KLHL20: variants seen among roughly 807,000 people sequenced by gnomAD.
KLHL20 encodes kelch like family member 20.
Under a neutral mutation model 69.5 loss-of-function variants are expected in KLHL20, and 29 were observed. The ratio of observed to expected loss-of-function variants is 0.42; its 90% confidence interval spans 0.31 to 0.57. The LOEUF is 0.57. Ranked by LOEUF, KLHL20 falls within the 20% of genes least tolerant of loss-of-function variation. The pLI, the probability that KLHL20 is intolerant of heterozygous loss-of-function variation, is 0.18. For synonymous variants in KLHL20, 253 were observed against 265.2 expected (o/e 0.95, Z 0.45); for missense variants, 419 against 776.0 (o/e 0.54, Z 5.47).
intron 2 of KLHL20, among the ~76,000 whole-genome samples, chr1:173,727,955 C>T (rs1160017338): frequency 7.0e-6 from 1 of 142,510 alleles, no homozygotes; most frequent in African/African-American, 2.5e-5. Context: ...CACAGACTGG[C>T]AAATTGGATA....
intron 2 of KLHL20, among the ~76,000 whole-genome samples, chr1:173,718,675 C>T (rs1431351589): frequency 6.6e-6 from 1 of 152,064 alleles, no homozygotes; most frequent in Non-Finnish European, 1.5e-5. Flanking sequence ...CTGTGGTGAT[C>T]ATGCCACTGC....
intron 10 of KLHL20, among the ~76,000 whole-genome samples, chr1:173,780,564 G>C (rs1050926627): frequency 6.6e-6 from 1 of 152,066 alleles, no homozygotes; most frequent in African/African-American, 2.4e-5. Flanking sequence ...GATTACTTGA[G>C]CCCAGGAATT....
chr1:173,758,889 T>C (rs554299369), intron 7 of KLHL20, among the ~76,000 whole-genome samples: 1 of 152,274 alleles, frequency 6.6e-6, no homozygotes, highest in Non-Finnish European at 1.5e-5. Context: ...GAACTCAAGG[T>C]AGGGTGCAAA....
Position 173,742,906 on chromosome 1 carries a change from A to C in KLHL20, c.597+8620A>C, listed in dbSNP as rs1171273271. The stretch of plus-strand genomic sequence containing the variant: ...AGGATGCAATCCAGACACCATAAAA[A>C]GATTGGTTTGATTGCATAAAAGTTA... On this transcript the variant is annotated intron_variant, in intron 3 of 11. Coordinates refer to ENST00000209884, the MANE Select transcript of KLHL20 (RefSeq NM_014458.4). 3.3e-5 allele frequency among the ~76,000 whole-genome samples: 5 copies of C among 151,898 alleles called. No homozygotes were observed. In the East Asian group the frequency reaches 9.6e-4, roughly 29 times the overall value.
chr1:173,723,042 G>T (rs1265433566), intron 2 of KLHL20, among the ~76,000 whole-genome samples: 1 of 152,076 alleles, frequency 6.6e-6, no homozygotes, highest in African/African-American at 2.4e-5. Flanking sequence ...TACCCACATT[G>T]TACTTAGGTG....
intron 2 of KLHL20, among the ~76,000 whole-genome samples, chr1:173,725,011 C>T (rs563184071): frequency 2.0e-5 from 3 of 151,790 alleles, no homozygotes; most frequent in African/African-American, 7.3e-5. Flanking sequence ...TTATAGGCTT[C>T]TTTTACCAAG....
In KLHL20 at chr1:173,734,010, A is replaced by G; in HGVS notation, c.321A>G (p.Thr107=). Residue 107 remains threonine, a synonymous_variant, in exon 3 of 12, where the codon ACA becomes ACG. Transcript: ENST00000209884. ...FTGELAESRQ[T]EVVIRDIDER... The stretch of plus-strand genomic sequence containing the variant: ...GAGAATTGGCAGAGAGCCGTCAGAC[A>G]GAAGTAGTGATCCGAGACATTGACG... 2 of 1,614,222 alleles carry G rather than the reference A, an allele frequency of 1.2e-6. No individual in the cohort carries two copies. The highest frequency in any genetic ancestry group is 2.2e-5 in the South Asian group (2 of 91,088).
chr1:173,728,789 AG>A (rs1672105132), intron 2 of KLHL20, among the ~76,000 whole-genome samples: 1 of 151,272 alleles, frequency 6.6e-6, no homozygotes, highest in South Asian at 2.1e-4. Context: ...AAGAGAAAGC[AG>A]GAAAGACTAA....
intron 2 of KLHL20, among the ~76,000 whole-genome samples, chr1:173,719,617 C>CA (rs58489961): frequency 8.9e-4 from 116 of 130,094 alleles, no homozygotes; most frequent in East Asian, 6.1e-3. Flanking sequence ...GAATCCGTCT[C>CA]AAAAAAAAAA....
rs149490337 is a variant in KLHL20 at position 173,760,121 on chromosome 1, T to A, written c.1151+2962T>A. 3.4e-4 allele frequency among the ~76,000 whole-genome samples: 52 copies of A among 151,914 alleles called. 1 individual carries two copies. In the East Asian group the frequency reaches 8.3e-3, roughly 24 times the overall value. ...ATATGAACAAGTAGAAGAAAGAAAT[T>A]CAGAGCTCAAAGACAAGGTCTTTGA... On this transcript the variant is annotated intron_variant, in intron 7 of 11. Transcript: ENST00000209884.
chr1:173,763,685 T>C (rs1281859718), intron 7 of KLHL20, among the ~76,000 whole-genome samples: 1 of 152,082 alleles, frequency 6.6e-6, no homozygotes, highest in African/African-American at 2.4e-5. Flanking sequence ...GCTAGCCACA[T>C]GTAAGAAAAC....
chr1:173,774,137 T>G (rs1383613124), intron 8 of KLHL20, among the ~76,000 whole-genome samples, 168 bp from the exon 9 acceptor site: 1 of 152,124 alleles, frequency 6.6e-6, no homozygotes, highest in African/African-American at 2.4e-5. Context: ...GGCACAGATA[T>G]AAATTCTAAG....
intron 3 of KLHL20, 22 bp downstream of exon 3, chr1:173,734,308 A>G: frequency 1.2e-6 from 2 of 1,607,198 alleles, no homozygotes; most frequent in Non-Finnish European, 1.7e-6. Flanking sequence ...TTGGTGTTCC[A>G]ATGCACCCAT....
intron 3 of KLHL20, among the ~76,000 whole-genome samples, chr1:173,745,575 C>G (rs1433698552): frequency 6.6e-6 from 1 of 152,154 alleles, no homozygotes; most frequent in Non-Finnish European, 1.5e-5. Context: ...AAAGCTGCCT[C>G]ACTGAATTTT....
At chr1:173,781,727 C>T (rs1017649612) in intron 10 of KLHL20, among the ~76,000 whole-genome samples, 1 of 152,124 alleles carries the variant, frequency 6.6e-6, no homozygotes, top group Middle Eastern at 3.2e-3. Flanking sequence ...TGGGCCTTCC[C>T]AAAGTGCTGG....
chr1:173,731,061 T>C (rs1672251059), intron 2 of KLHL20, among the ~76,000 whole-genome samples: 1 of 152,126 alleles, frequency 6.6e-6, no homozygotes, highest in Non-Finnish European at 1.5e-5. Flanking sequence ...GCAGAGGATA[T>C]GAACAGACAC....
intron 7 of KLHL20, among the ~76,000 whole-genome samples, chr1:173,762,828 C>T (rs1647396091): frequency 6.6e-6 from 1 of 152,112 alleles, no homozygotes; most frequent in South Asian, 2.1e-4. Context: ...GACAAGGATG[C>T]CCACTCTCAC....
chr1:173,751,667 T>A (rs1055761252), intron 3 of KLHL20, 97 bp from the exon 4 acceptor site: 2 of 1,182,030 alleles, frequency 1.7e-6, no homozygotes, highest in African/African-American at 3.0e-5. Flanking sequence ...TTCAGCGCAT[T>A]GTAGAATACA....
At chr1:173,758,964 G>A (rs941395800) in intron 7 of KLHL20, among the ~76,000 whole-genome samples, 2 of 152,190 alleles carry the variant, frequency 1.3e-5, no homozygotes, top group Non-Finnish European at 2.9e-5. Context: ...GCTGGGAGGC[G>A]GATAGCCTGG....
Sources: gnomAD v4.1 joint callset for allele counts (sites outside exome capture counted in the v4.1 genomes callset) on GRCh38, gnomAD v4.1.1 for gene constraint, MANE v1.5 for transcripts, NCBI Gene and HGNC (gene_info 2026-07-23, HGNC 2026-07-21) for gene names.